Variants in GABRA3 observed in about 807,000 individuals in gnomAD.
GABRA3 encodes gamma-aminobutyric acid receptor subunit alpha-3.
A neutral mutation model predicts 30.1 loss-of-function variants in GABRA3; 10 were observed. That is an observed-to-expected ratio of 0.33 (90% CI 0.20 to 0.56). GABRA3 has a LOEUF of 0.56. GABRA3 is among the 20% of genes least tolerant of loss of function. The pLI, the probability that GABRA3 is intolerant of heterozygous loss-of-function variation, is 0.89. For synonymous variants in GABRA3, 151 were observed against 146.8 expected (o/e 1.03, Z -0.21); for missense variants, 233 against 392.0 (o/e 0.59, Z 3.42).
intron 3 of GABRA3, among the ~76,000 whole-genome samples, chrX:152,336,841 G>A (rs1645083132): frequency 9.0e-6 from 1 of 111,025 alleles, no homozygotes; most frequent in South Asian, 3.8e-4. Context: ...GTCTCAAGTG[G>A]TCCCCCAATT....
intron 1 of GABRA3, among the ~76,000 whole-genome samples, chrX:152,405,791 C>A (rs1405483480): frequency 9.0e-6 from 1 of 111,317 alleles, no homozygotes; most frequent in Non-Finnish European, 1.9e-5. Context: ...GACTAAAAAG[C>A]TCTTGGGCCT....
chrX:152,199,290 C>T (rs1281874342), intron 7 of GABRA3, among the ~76,000 whole-genome samples: 3 of 104,385 alleles, frequency 2.9e-5, no homozygotes, highest in East Asian at 5.9e-4. Context: ...GGCGTGAACC[C>T]AGGAGGCGGA....
rs769373980 is a variant in GABRA3, at chrX:152,413,531, C to T, written c.-27+37615G>A. On this transcript the variant is annotated intron_variant, in intron 1 of 9. Coordinates refer to ENST00000370314, the MANE Select transcript of GABRA3 (RefSeq NM_000808.4). ...AACATTTGACAATCAATTTAACCCACCATAACAACATGCCAAAGAGGCAAA... is the reference window on the plus strand; with the variant it reads ...AACATTTGACAATCAATTTAACCCATCATAACAACATGCCAAAGAGGCAAA... Among the ~76,000 whole-genome samples, 17 of 111,423 alleles carry T rather than the reference C, an allele frequency of 1.5e-4. No individual in the cohort carries two copies. In the East Asian group the frequency reaches 4.5e-3, roughly 30 times the overall value.
chrX:152,197,676 C>T lies in GABRA3; in HGVS notation c.888G>A (p.Ser296=), dbSNP rs774861885. 9.9e-6 allele frequency: 12 copies of T among 1,208,553 alleles called. No homozygotes were observed. Among genetic ancestry groups the T allele is most frequent in the Middle Eastern group, 4.6e-4 (2 of 4,366 alleles). The change falls in exon 8 of 10, where the codon TCG becomes TCA. Residue 296 remains serine, a synonymous_variant. Transcript: ENST00000370314. ...CIMTVILSQV[S]FWLNRESVPA... ...GAACAGACTCTCTGTTGAGCCAGAACGACACTTGTGACAGAATGACAGTCA... is the reference window on the plus strand; with the variant it reads ...GAACAGACTCTCTGTTGAGCCAGAATGACACTTGTGACAGAATGACAGTCA...
At chrX:152,264,478 A>AGTTT (rs1938786858) in intron 4 of GABRA3, among the ~76,000 whole-genome samples, 1 of 111,549 alleles carries the variant, frequency 9.0e-6, no homozygotes, top group African/African-American at 3.3e-5. Context: ...CTTAAACCAA[A>AGTTT]AACCATACAA....
At chrX:152,333,435 T>C (rs1020987695) in intron 3 of GABRA3, among the ~76,000 whole-genome samples, 1 of 111,807 alleles carries the variant, frequency 8.9e-6, no homozygotes, top group Non-Finnish European at 1.9e-5. Context: ...AAAACAAGGA[T>C]AGCTGCTATT....
At chrX:152,236,839 GTTGT>G (rs1477354012) in intron 5 of GABRA3, among the ~76,000 whole-genome samples, 3 of 101,123 alleles carry the variant, frequency 3.0e-5, no homozygotes, top group Non-Finnish European at 4.0e-5. Flanking sequence ...TTTTGATGGG[GTTGT>G]TTGTTTTTTT....
chrX:152,424,490 T>C (rs1380855286), intron 1 of GABRA3, among the ~76,000 whole-genome samples: 1 of 111,614 alleles, frequency 9.0e-6, no homozygotes, highest in Non-Finnish European at 1.9e-5. Flanking sequence ...TCCTACACAG[T>C]AGCCAAGTTT....
chrX:152,325,687 C>G (rs1356472712), intron 3 of GABRA3, among the ~76,000 whole-genome samples: 1 of 111,912 alleles, frequency 8.9e-6, no homozygotes, highest in Non-Finnish European at 1.9e-5. Flanking sequence ...CACCAAAATC[C>G]CATCTGTACG....
intron 1 of GABRA3, among the ~76,000 whole-genome samples, chrX:152,408,810 C>T (rs1929999017): frequency 9.2e-6 from 1 of 108,883 alleles, no homozygotes; most frequent in Admixed American, 9.8e-5. Flanking sequence ...TATTACCTGA[C>T]TTTAAATTAT....
At chrX:152,177,659 C>A (rs1443121654) in intron 9 of GABRA3, among the ~76,000 whole-genome samples, 2 of 111,532 alleles carry the variant, frequency 1.8e-5, no homozygotes, top group Non-Finnish European at 3.8e-5. Context: ...TCACGTAGTG[C>A]TGGAAACAGT....
intron 3 of GABRA3, 78 bp downstream of exon 3, chrX:152,345,503 C>A: frequency 9.4e-7 from 1 of 1,060,731 alleles, no homozygotes; most frequent in South Asian, 2.4e-5. Flanking sequence ...CTACTGAAGG[C>A]ACCTTATAAC....
At position 152,405,946 on chromosome X, in the gene GABRA3, A is replaced by T. The variant is rs756211586; in HGVS notation, c.-26-41350T>A. On this transcript the variant is annotated intron_variant, in intron 1 of 9. Transcript: ENST00000370314. ...CACATGACCTCTCCCCTAACTCCAG[A>T]TAGCCCATCATGGAGAGACAGGCTG... is the stretch of plus-strand genomic sequence containing the variant. 3.6e-5 allele frequency among the ~76,000 whole-genome samples: 4 copies of T among 111,581 alleles called. No individual in the cohort carries two copies. The South Asian group carries it at 1.6e-3, about 43-fold the overall frequency.
intron 4 of GABRA3, among the ~76,000 whole-genome samples, chrX:152,272,605 T>G (rs755156169): frequency 2.1e-4 from 24 of 111,813 alleles, no homozygotes; most frequent in Non-Finnish European, 3.2e-4. Context: ...TGGAAAGGCA[T>G]GATTATGTTT....
intron 1 of GABRA3, among the ~76,000 whole-genome samples, chrX:152,388,540 A>C (rs1410537440): frequency 2.7e-5 from 3 of 112,229 alleles, no homozygotes; most frequent in Non-Finnish European, 5.6e-5. Context: ...AGAAGATATC[A>C]CTATTCCAAG....
intron 7 of GABRA3, among the ~76,000 whole-genome samples, chrX:152,199,259 G>A (rs1282807430): frequency 1.9e-5 from 2 of 105,450 alleles, no homozygotes; most frequent in Non-Finnish European, 4.0e-5. Context: ...CCAGATACTA[G>A]GGAGGCTGAG....
Position 152,421,107 on chromosome X carries a change from ACACAC to A in GABRA3, c.-27+30034_-27+30038del, listed in dbSNP as rs772670666. On this transcript the variant is annotated intron_variant, in intron 1 of 9. Transcript: ENST00000370314. ...TGATATTTACACATTATACACACACACACACACACACACACACACACACACAAGGC... is the reference window on the plus strand; with the variant it reads ...TGATATTTACACATTATACACACACAACACACACACACACACACACAAGGC... Among the ~76,000 whole-genome samples the A allele has an allele frequency of 9.5e-3, 1,018 of 106,651 alleles. 3 individuals carry two copies. Among genetic ancestry groups the A allele is most frequent in the Middle Eastern group, 0.028 (6 of 215 alleles). The allele number at this position is 106,651 out of a possible 115,157, so 92.6% of individuals were successfully genotyped here.
chrX:152,440,110 T>C (rs1460991645), intron 1 of GABRA3, among the ~76,000 whole-genome samples: 2 of 112,043 alleles, frequency 1.8e-5, no homozygotes, highest in Non-Finnish European at 3.8e-5. Context: ...GAGAAAATTT[T>C]TGCAATCTAT....
chrX:152,347,982 G>T (rs1940416187), intron 2 of GABRA3, among the ~76,000 whole-genome samples: 1 of 111,619 alleles, frequency 9.0e-6, no homozygotes, highest in Non-Finnish European at 1.9e-5. Context: ...GGGCAACAGA[G>T]CAAGACCCTG....
Sources: gnomAD v4.1 joint callset for allele counts (sites outside exome capture counted in the v4.1 genomes callset) on GRCh38, gnomAD v4.1.1 for gene constraint, MANE v1.5 for transcripts, NCBI Gene and HGNC (gene_info 2026-07-23, HGNC 2026-07-21) for gene names.